Variants in CUX1 observed in about 807,000 individuals in gnomAD.
CUX1 encodes the protein cut like homeobox 1, also known as protein CASP.
Under a neutral mutation model 158.8 loss-of-function variants are expected in CUX1, and 31 were observed. The observed-to-expected ratio is 0.20, with a 90% CI of 0.15 to 0.26. The LOEUF (loss-of-function observed/expected upper bound fraction) is 0.26. Ranked by LOEUF, CUX1 falls within the 10% of genes least tolerant of loss-of-function variation. The pLI, the probability that CUX1 is intolerant of heterozygous loss-of-function variation, is 1.00. For missense variants in CUX1, 1,589 were observed against 2,014.6 expected, an observed-to-expected ratio of 0.79 and a Z score of 4.04; for synonymous variants, 879 against 862.1, an observed-to-expected ratio of 1.02 and a Z score of -0.34.
chr7:101,999,206 CTTTTTTTTACCTTTTTTTT>C (rs1816366487), intron 2 of CUX1, among the ~76,000 whole-genome samples: 1 of 108,734 alleles, frequency 9.2e-6, no homozygotes, highest in Non-Finnish European at 1.9e-5. Flanking sequence ...CCTTTACAAA[CTTTTTTTTACCTTTTTTTT>C]TTTTTTTTTT....
At chr7:101,963,058 A>G (rs912661790) in intron 2 of CUX1, among the ~76,000 whole-genome samples, 38 of 152,210 alleles carry the variant, frequency 2.5e-4, no homozygotes, top group Admixed American at 1.3e-4. Context: ...TCAAGTTGTA[A>G]AGTAAACAAC....
intron 2 of CUX1, among the ~76,000 whole-genome samples, chr7:101,951,510 CT>C (rs869310008): frequency 4.9e-4 from 71 of 145,764 alleles, no homozygotes; most frequent in Non-Finnish European, 5.0e-4. Context: ...AGTCTTTTTC[CT>C]TTTTTTTTTT....
chr7:101,952,805 C>T lies in CUX1; in HGVS notation c.141+36580C>T, dbSNP rs373117802. Among the ~76,000 whole-genome samples the T allele has an allele frequency of 1.3e-4, 20 of 152,346 alleles. No homozygotes were observed. In the South Asian group the frequency reaches 2.7e-3, roughly 20 times the overall value. Reference sequence around the variant, plus strand: ...GTGTTGGGAGGTCCCCACCCCTTGCCTCTGCCCGTTGCCTTTTCCACCCCT... The same window carrying T: ...GTGTTGGGAGGTCCCCACCCCTTGCTTCTGCCCGTTGCCTTTTCCACCCCT... On this transcript the variant is annotated intron_variant, in intron 2 of 23. Coordinates refer to ENST00000292535, the MANE Select transcript of CUX1 (RefSeq NM_181552.4).
At position 102,186,659 on chromosome 7, in the gene CUX1, A is replaced by G. The variant is rs1554515413; in HGVS notation, c.1018-3154A>G. On this transcript the variant is annotated intron_variant, in intron 11 of 23. Transcript: ENST00000292535. ...AAATGTCCCAGCACCATTACTGAGCATTAGTCATTTCCCTTGCTTGATCTG... is the reference window on the plus strand; with the variant it reads ...AAATGTCCCAGCACCATTACTGAGCGTTAGTCATTTCCCTTGCTTGATCTG... 2.6e-5 allele frequency among the ~76,000 whole-genome samples: 4 copies of G among 151,924 alleles called. 1 individual carries two copies. Among genetic ancestry groups the G allele is most frequent in the Admixed American group, 2.0e-4 (3 of 15,258 alleles).
chr7:102,261,532 C>CT (rs541810820), downstream of CUX1, among the ~76,000 whole-genome samples: 77 of 142,366 alleles, frequency 5.4e-4, 1 homozygote, highest in African/African-American at 6.4e-4. Flanking sequence ...ACGAAGAGCC[C>CT]TTTTTTTTTT....
At position 101,992,780 on chromosome 7, in the gene CUX1, C is replaced by T. The variant is rs530502912; in HGVS notation, c.142-35318C>T. Among the ~76,000 whole-genome samples, 31 of 151,846 alleles carry T rather than the reference C, an allele frequency of 2.0e-4. No individual in the cohort carries two copies. In the South Asian group the frequency reaches 4.0e-3, roughly 19 times the overall value. On this transcript the variant is annotated intron_variant, in intron 2 of 23. Transcript: ENST00000292535. ...CCACCAGAGCTTTGATTTCCGCCCCCGCCGCCCCCCTCCAACCCCCGCCCC... is the reference window on the plus strand; with the variant it reads ...CCACCAGAGCTTTGATTTCCGCCCCTGCCGCCCCCCTCCAACCCCCGCCCC...
chr7:102,043,836 A>G (rs1822422025), intron 3 of CUX1, among the ~76,000 whole-genome samples: 1 of 151,996 alleles, frequency 6.6e-6, no homozygotes, highest in Admixed American at 6.6e-5. Context: ...AAAGATGCCC[A>G]TTTCTCCATG....
chr7:102,107,533 C>T (rs1270293173), intron 6 of CUX1, among the ~76,000 whole-genome samples: 7 of 152,234 alleles, frequency 4.6e-5, no homozygotes, highest in Admixed American at 1.3e-4. Context: ...AAGAGCAAAA[C>T]TCTGTCTCCA....
At chr7:102,089,611 A>G (rs1452788943) in intron 4 of CUX1, among the ~76,000 whole-genome samples, 2 of 152,198 alleles carry the variant, frequency 1.3e-5, no homozygotes, top group African/African-American at 4.8e-5. Flanking sequence ...TGCAGTTGGA[A>G]AGTCCTCCAG....
chr7:101,836,159 T>G (rs1041239253), intron 1 of CUX1, among the ~76,000 whole-genome samples: 3 of 152,218 alleles, frequency 2.0e-5, no homozygotes, highest in African/African-American at 7.2e-5. Context: ...CTCCCTGCAT[T>G]GTTGCATTTT....
intron 2 of CUX1, among the ~76,000 whole-genome samples, chr7:101,933,473 C>A (rs1307084295): frequency 1.3e-5 from 2 of 152,200 alleles, no homozygotes; most frequent in East Asian, 3.8e-4. Context: ...CATATTCTCA[C>A]ATTATTCATT....
intron 23 of CUX1, among the ~76,000 whole-genome samples, chr7:102,241,709 C>T (rs1224948715): frequency 6.6e-6 from 1 of 152,250 alleles, no homozygotes; most frequent in Non-Finnish European, 1.5e-5. Flanking sequence ...GAGAACTGAG[C>T]GCACCTGCTA....
intron 1 of CUX1, among the ~76,000 whole-genome samples, chr7:101,882,493 GA>G (rs1272493810): frequency 3.3e-5 from 5 of 151,828 alleles, no homozygotes; most frequent in East Asian, 1.9e-4. Flanking sequence ...AATTAAAAAA[GA>G]AAAAAAGACC....
At chr7:101,952,229 T>C (rs1251250733) in intron 2 of CUX1, among the ~76,000 whole-genome samples, 1 of 151,872 alleles carries the variant, frequency 6.6e-6, no homozygotes, top group Non-Finnish European at 1.5e-5. Flanking sequence ...CAAAAAAAAA[T>C]ACAAAAATTA....
rs188668274 is a variant in CUX1, at chr7:102,121,586, T to A, written c.674+6313T>A. On this transcript the variant is annotated intron_variant, in intron 8 of 23. Coordinates refer to ENST00000292535, the MANE Select transcript of CUX1 (RefSeq NM_181552.4). ...GTCTCGAACTCCCAGACTCAAGTGA[T>A]CTGCCCGCCTTGGCCTCCTGAAGTG... Among the ~76,000 whole-genome samples the A allele has an allele frequency of 5.7e-3, 867 of 152,288 alleles. 9 individuals carry two copies. Among genetic ancestry groups the A allele is most frequent in the African/African-American group, 0.02 (817 of 41,556 alleles).
At chr7:101,928,827 C>T (rs961176943) in intron 2 of CUX1, among the ~76,000 whole-genome samples, 8 of 151,580 alleles carry the variant, frequency 5.3e-5, no homozygotes, top group Admixed American at 2.6e-4. Flanking sequence ...CCCGCCACTA[C>T]GCCCGGCTAA....
intron 7 of CUX1, 22 bp from the exon 8 acceptor site, chr7:102,115,185 T>A: frequency 6.3e-7 from 1 of 1,599,730 alleles, no homozygotes; most frequent in Middle Eastern, 1.7e-4. Context: ...ATTTAAATAG[T>A]TAGTAATTCT....
intron 1 of CUX1, among the ~76,000 whole-genome samples, chr7:101,889,934 T>C (rs1338124797): frequency 1.3e-5 from 2 of 152,216 alleles, no homozygotes; most frequent in Non-Finnish European, 2.9e-5. Flanking sequence ...TGCTCTGTTT[T>C]CTGGATAACT....
intron 20 of CUX1, among the ~76,000 whole-genome samples, chr7:102,209,216 A>G (rs1185492267): frequency 6.6e-6 from 1 of 151,978 alleles, no homozygotes; most frequent in Non-Finnish European, 1.5e-5. Flanking sequence ...TTCCTTAATG[A>G]CTTAGACGCC....
Sources: allele counts gnomAD v4.1 joint callset (sites outside exome capture counted in the v4.1 genomes callset), GRCh38; gene constraint gnomAD v4.1.1; transcripts MANE v1.5; gene names NCBI Gene and HGNC (gene_info 2026-07-23, HGNC 2026-07-21).